The following SFMBT1 variants were observed in gnomAD, a reference collection of about 807,000 sequenced individuals.
SFMBT1 encodes the protein Scm like with four mbt domains 1.
SFMBT1 carries 32 observed loss-of-function variants against 108.7 expected under a neutral mutation model. That is an observed-to-expected ratio of 0.29 (90% CI 0.22 to 0.40). The LOEUF is 0.40. Ranked by LOEUF, SFMBT1 falls within the 10% of genes least tolerant of loss-of-function variation. The pLI is 1.00. For synonymous variants in SFMBT1, 348 were observed against 369.5 expected (o/e 0.94, Z 0.67); for missense variants, 816 against 1,059.6 (o/e 0.77, Z 3.19).
At chr3:52,972,518 T>C (rs985165344) in intron 1 of SFMBT1, among the ~76,000 whole-genome samples, 1 of 152,274 alleles carries the variant, frequency 6.6e-6, no homozygotes, top group South Asian at 2.1e-4. Context: ...TTTTCCTTTA[T>C]TTCCTGTTCA....
intron 1 of SFMBT1, among the ~76,000 whole-genome samples, chr3:53,031,845 T>A (rs1392755361): frequency 6.6e-6 from 1 of 152,092 alleles, no homozygotes; most frequent in Non-Finnish European, 1.5e-5. Flanking sequence ...ATCCTGGGAG[T>A]AGGTTCACAG....
chr3:52,922,470 C>T (rs1273515218), intron 10 of SFMBT1, among the ~76,000 whole-genome samples: 1 of 152,042 alleles, frequency 6.6e-6, no homozygotes, highest in African/African-American at 2.4e-5. Flanking sequence ...ATTTTGAAGA[C>T]AAAAACTTAA....
At chr3:53,023,333 A>G (rs746617843) in intron 1 of SFMBT1, among the ~76,000 whole-genome samples, 1 of 152,200 alleles carries the variant, frequency 6.6e-6, no homozygotes, top group Non-Finnish European at 1.5e-5. Flanking sequence ...TTCCATTTCT[A>G]GAGGCTGAGT....
chr3:53,005,449 A>G (rs1698706578), intron 1 of SFMBT1, among the ~76,000 whole-genome samples: 1 of 152,160 alleles, frequency 6.6e-6, no homozygotes, highest in African/African-American at 2.4e-5. Flanking sequence ...GGTAGCTAGG[A>G]CTACAGGTGC....
At chr3:53,019,677 T>A (rs896755582) in intron 1 of SFMBT1, among the ~76,000 whole-genome samples, 1 of 152,156 alleles carries the variant, frequency 6.6e-6, no homozygotes, top group Non-Finnish European at 1.5e-5. Flanking sequence ...TCTCCATTTT[T>A]CACTGTCATC....
intron 11 of SFMBT1, 131 bp downstream of exon 11, chr3:52,921,574 G>T: frequency 1.0e-6 from 1 of 976,372 alleles, no homozygotes; most frequent in Non-Finnish European, 1.5e-6. Context: ...TTAGAGTCTT[G>T]CATTACAAAA....
At chr3:53,007,065 A>G (rs1032705385) in intron 1 of SFMBT1, among the ~76,000 whole-genome samples, 1 of 152,236 alleles carries the variant, frequency 6.6e-6, no homozygotes, top group Non-Finnish European at 1.5e-5. Context: ...CAGCAGACAC[A>G]TGCTCACTAA....
chr3:52,932,245 A>G lies in SFMBT1; in HGVS notation c.517T>C (p.Phe173Leu). 1 of 1,614,190 alleles carries G rather than the reference A, an allele frequency of 6.2e-7. No individual in the cohort carries two copies. The highest frequency in any genetic ancestry group is 8.5e-7 in the Non-Finnish European group (1 of 1,180,008). The change falls in exon 6 of 21, where the codon TTC (phenylalanine) becomes CTC (leucine). Residue 173 changes from phenylalanine to leucine, a missense_variant. Physicochemically the swap from Phe to Leu is conservative, Grantham distance 22. This residue lies in a region of SFMBT1 where 495 missense variants were observed against 607.4 expected (regional missense o/e 0.81). Coordinates refer to ENST00000394752, the MANE Select transcript of SFMBT1 (RefSeq NM_016329.4). ...ATCCAAGTGCTTAAAGAGTCCTGGA[A>G]AGCTTGACATTCTAGTCTGGATCCT... ...APGSRLECQA[F>L]QDSLSTWIVT...
chr3:53,043,175 G>A (rs1367029041), intron 1 of SFMBT1: 1 of 151,948 alleles, frequency 6.6e-6, no homozygotes, highest in Non-Finnish European at 1.5e-5. Context: ...AACAAGAAAA[G>A]GCACAAGACG....
intron 1 of SFMBT1, among the ~76,000 whole-genome samples, chr3:53,039,914 T>C (rs1389680032): frequency 6.6e-6 from 1 of 152,218 alleles, no homozygotes; most frequent in African/African-American, 2.4e-5. Context: ...ATATCCTCAT[T>C]ATATATCACT....
chr3:53,019,499 A>G (rs1226130447), intron 1 of SFMBT1, among the ~76,000 whole-genome samples: 1 of 152,044 alleles, frequency 6.6e-6, no homozygotes, highest in Non-Finnish European at 1.5e-5. Context: ...GGCAACCAAA[A>G]CTTTTTCCTT....
At chr3:52,937,144 C>T (rs1028120942) in intron 4 of SFMBT1, among the ~76,000 whole-genome samples, 2 of 151,986 alleles carry the variant, frequency 1.3e-5, no homozygotes, top group African/African-American at 4.8e-5. Context: ...CCCGGCCACA[C>T]ATTTCATTCT....
At chr3:52,987,570 T>A (rs1032474695) in intron 1 of SFMBT1, among the ~76,000 whole-genome samples, 6 of 152,230 alleles carry the variant, frequency 3.9e-5, no homozygotes, top group African/African-American at 1.4e-4. Context: ...TGAACCCTCA[T>A]CTGATCCCAA....
intron 1 of SFMBT1, among the ~76,000 whole-genome samples, chr3:52,980,387 T>TA (rs1704669139): frequency 6.6e-6 from 1 of 152,168 alleles, no homozygotes; most frequent in African/African-American, 2.4e-5. Flanking sequence ...GTCTCTCCAG[T>TA]AAAATGCATA....
intron 3 of SFMBT1, among the ~76,000 whole-genome samples, chr3:52,951,418 C>CTT (rs1169590358): frequency 5.6e-5 from 8 of 141,626 alleles, no homozygotes; most frequent in East Asian, 2.1e-4. Flanking sequence ...AAAAGAAATT[C>CTT]TTTTTTTTTT....
intron 3 of SFMBT1, 67 bp from the exon 4 acceptor site, chr3:52,943,660 C>T: frequency 6.3e-7 from 1 of 1,599,112 alleles, no homozygotes; most frequent in Non-Finnish European, 8.6e-7. Context: ...GACCAATGTT[C>T]TTTTTTAAGA....
chr3:53,015,073 G>A (rs1363145409), intron 1 of SFMBT1, among the ~76,000 whole-genome samples: 2 of 152,068 alleles, frequency 1.3e-5, no homozygotes, highest in African/African-American at 4.8e-5. Context: ...AGCTGGGCAT[G>A]GTGGTGTACG....
chr3:52,933,777 T>C (rs1201010257), intron 5 of SFMBT1, among the ~76,000 whole-genome samples: 1 of 152,100 alleles, frequency 6.6e-6, no homozygotes, highest in Non-Finnish European at 1.5e-5. Flanking sequence ...AATGTAACCA[T>C]AAAACTCTTA....
intron 2 of SFMBT1, among the ~76,000 whole-genome samples, chr3:52,967,163 T>C (rs918276024): frequency 2.0e-5 from 3 of 151,818 alleles, no homozygotes; most frequent in African/African-American, 7.3e-5. Flanking sequence ...AAAAAATAAA[T>C]AAGCAAAAAA....
Sources: gnomAD v4.1 joint callset for allele counts (sites outside exome capture counted in the v4.1 genomes callset) on GRCh38, gnomAD v4.1.1 for gene constraint, gnomAD v4.1.1 regional missense constraint, MANE v1.5 for transcripts, NCBI Gene and HGNC (gene_info 2026-07-23, HGNC 2026-07-21) for gene names.